ZNF487: variants seen among roughly 807,000 people sequenced by gnomAD.
The protein encoded by ZNF487 is KRAB domain only 1.
A neutral mutation model predicts 3.0 loss-of-function variants in ZNF487; 4 were observed. The observed-to-expected ratio is 1.35, with a 90% confidence interval of 0.66 to 3.08. The LOEUF is 3.08. ZNF487 is among the 30% of genes most tolerant of loss of function. The pLI is 0.01. For synonymous variants in ZNF487, 55 were observed against 34.6 expected (o/e 1.59, Z -2.06); for missense variants, 146 against 98.7 (o/e 1.48, Z -2.03).
the ZNF487 span, among the ~76,000 whole-genome samples, chr10:43,521,540 A>G: frequency 6.6e-6 from 1 of 152,226 alleles, no homozygotes; most frequent in Non-Finnish European, 1.5e-5. Flanking sequence ...ACAAGAAGCT[A>G]GAGCATGGCC....
chr10:43,447,129 A>G (rs61859049), intron 1 of ZNF487, among the ~76,000 whole-genome samples: 5,172 of 152,200 alleles, frequency 0.034, 114 homozygotes, highest in South Asian at 0.041. Flanking sequence ...AGTGAGCCGA[A>G]ATCGAGGCAG....
At chr10:43,470,789 G>T (rs1840881051) in intron 1 of ZNF487, among the ~76,000 whole-genome samples, 1 of 152,160 alleles carries the variant, frequency 6.6e-6, no homozygotes, top group African/African-American at 2.4e-5. Flanking sequence ...AAAGTGTTGG[G>T]ATTACAGGTG....
At position 43,479,971 on chromosome 10, in the gene ZNF487, T is replaced by TTTCTTTC. The variant is rs1184173278; in HGVS notation, c.131-1456_131-1455insCTTTCTT. Among the ~76,000 whole-genome samples, 70 of 125,222 alleles carry TTTCTTTC rather than the reference T, an allele frequency of 5.6e-4. 1 individual carries two copies. The highest frequency in any genetic ancestry group is 2.1e-3 in the Admixed American group (27 of 12,944). 82.2% of individuals were successfully genotyped at this position (125,222 alleles called of 152,430 possible). ...GCACCTGACTCTCTTTCTTTCTTTC[T>TTTCTTTC]TTTCTTTCTTTCCTTCTTTCTTTCT... On this transcript the variant is annotated intron_variant, in intron 3 of 3. Coordinates refer to ENST00000437590, the MANE Select transcript of ZNF487 (RefSeq NM_001355444.3).
At chr10:43,490,427 T>C in the ZNF487 span, among the ~76,000 whole-genome samples, 20,083 of 149,034 alleles carry the variant, frequency 0.13, 2,730 homozygotes, top group African/African-American at 0.35. Context: ...CTTGTGATTT[T>C]CCCCCCATAT....
chr10:43,475,030 C>T (rs1841043426), intron 1 of ZNF487, among the ~76,000 whole-genome samples: 1 of 152,196 alleles, frequency 6.6e-6, no homozygotes. Context: ...CCTGCCTCCA[C>T]CTCATTCTCC....
chr10:43,444,533 T>C (rs1329304742), intron 1 of ZNF487, among the ~76,000 whole-genome samples: 1 of 152,114 alleles, frequency 6.6e-6, no homozygotes, highest in Non-Finnish European at 1.5e-5. Context: ...TAGGTTTCAT[T>C]GAGCTTCTTG....
chr10:43,475,925 T>C (rs1232827521), intron 2 of ZNF487, 78 bp downstream of exon 2: 1 of 663,892 alleles, frequency 1.5e-6, no homozygotes, highest in Non-Finnish European at 2.8e-6. Context: ...TTTCTTTGTA[T>C]GAATATGAGT....
At chr10:43,440,050 ATATATT>A (rs1416591347) in intron 1 of ZNF487, among the ~76,000 whole-genome samples, 2 of 54,978 alleles carry the variant, frequency 3.6e-5, no homozygotes, top group Admixed American at 4.3e-4. Context: ...TTATATATAT[ATATATT>A]TTTTTTTTTG....
chr10:43,443,746 C>G (rs1839703533), intron 1 of ZNF487, among the ~76,000 whole-genome samples: 1 of 151,604 alleles, frequency 6.6e-6, no homozygotes, highest in Non-Finnish European at 1.5e-5. Context: ...TGGTCTCAAA[C>G]TCCTAGCCTC....
intron 3 of ZNF487, among the ~76,000 whole-genome samples, chr10:43,478,192 A>G (rs888115489): frequency 6.6e-6 from 1 of 152,106 alleles, no homozygotes; most frequent in Non-Finnish European, 1.5e-5. Context: ...GACCAACCCA[A>G]GAGGATTGCT....
chr10:43,501,763 A>C, the ZNF487 span, among the ~76,000 whole-genome samples: 25 of 140,100 alleles, frequency 1.8e-4, no homozygotes, highest in South Asian at 5.6e-3. Context: ...AAAACAAAAA[A>C]AACCCACAAA....
chr10:43,487,516 C>A (rs1841480873), downstream of ZNF487, among the ~76,000 whole-genome samples: 1 of 150,036 alleles, frequency 6.7e-6, no homozygotes. Flanking sequence ...ATGGCGCAAT[C>A]TCCGCTCACT....
chr10:43,514,018 A>G, the ZNF487 span, among the ~76,000 whole-genome samples: 1 of 152,202 alleles, frequency 6.6e-6, no homozygotes, highest in African/African-American at 2.4e-5. Flanking sequence ...TCGGTAATGT[A>G]GTAGGGTTCT....
chr10:43,478,127 C>T (rs779731226), intron 3 of ZNF487, among the ~76,000 whole-genome samples: 19 of 151,672 alleles, frequency 1.3e-4, no homozygotes, highest in Non-Finnish European at 2.8e-4. Context: ...TTTCAAAAAC[C>T]AAGTTATATA....
downstream of ZNF487, among the ~76,000 whole-genome samples, chr10:43,484,646 C>T (rs567657027): frequency 6.6e-6 from 1 of 152,132 alleles, no homozygotes; most frequent in South Asian, 2.1e-4. Context: ...CTTTGCATAG[C>T]TGAAACAAGT....
At chr10:43,466,755 T>A (rs1840721964) in intron 1 of ZNF487, among the ~76,000 whole-genome samples, 1 of 152,202 alleles carries the variant, frequency 6.6e-6, no homozygotes, top group Non-Finnish European at 1.5e-5. Context: ...GAAAAAATAT[T>A]TCTTTCAAAA....
At chr10:43,508,526 G>A in the ZNF487 span, among the ~76,000 whole-genome samples, 4 of 152,028 alleles carry the variant, frequency 2.6e-5, no homozygotes, top group African/African-American at 9.7e-5. Flanking sequence ...AAATAATATC[G>A]GGCTGGGCAC....
downstream of ZNF487, among the ~76,000 whole-genome samples, chr10:43,485,833 A>G (rs1588750968): frequency 6.6e-6 from 1 of 152,318 alleles, no homozygotes; most frequent in East Asian, 1.9e-4. Context: ...GATAAAATGT[A>G]GAGTATCTGG....
the ZNF487 span, among the ~76,000 whole-genome samples, chr10:43,505,060 G>A: frequency 1.3e-5 from 2 of 151,990 alleles, no homozygotes; most frequent in African/African-American, 4.8e-5. Flanking sequence ...TCAAGCTGGA[G>A]TGCAGTGGCT....
Sources: allele counts gnomAD v4.1 joint callset (sites outside exome capture counted in the v4.1 genomes callset), GRCh38; gene constraint gnomAD v4.1.1; transcripts MANE v1.5; gene names NCBI Gene and HGNC (gene_info 2026-07-23, HGNC 2026-07-21).